IRF2BP1: variants seen among roughly 807,000 people sequenced by gnomAD.
The protein encoded by IRF2BP1 is interferon regulatory factor 2 binding protein 1.
A neutral mutation model predicts 38.6 loss-of-function variants in IRF2BP1; 9 were observed. The ratio of observed to expected loss-of-function variants is 0.23; its 90% CI spans 0.14 to 0.41. IRF2BP1 has a LOEUF of 0.41. Among genes scored for constraint, IRF2BP1 ranks in the 10% least tolerant of loss-of-function variants. The probability of loss-of-function intolerance (pLI) is 1.00; values close to 1 mark genes in which losing one functional copy is unlikely to be tolerated. For synonymous variants in IRF2BP1, 416 were observed against 383.4 expected (o/e 1.08, Z -0.99); for missense variants, 631 against 829.6 (o/e 0.76, Z 2.94).
rs1430733651 is a variant in IRF2BP1 at position 45,883,975 on chromosome 19, G to C, written c.*45C>G. 1 of 1,489,938 alleles carries C rather than the reference G, an allele frequency of 6.7e-7. No homozygotes were observed. The highest frequency in any genetic ancestry group is 9.0e-7 in the Non-Finnish European group (1 of 1,111,374). The allele number at this position is 1,489,938 out of a possible 1,614,324, so 92.3% of individuals were successfully genotyped here. A position where few individuals can be genotyped will look rare whatever the true frequency, so the allele number is the denominator to read the frequency against. On this transcript the variant is annotated 3_prime_UTR_variant, in exon 1 of 1. Coordinates refer to ENST00000302165, the MANE Select transcript of IRF2BP1 (RefSeq NM_015649.3). ...GGAATAATTTATCCGCGGCAGCGGT[G>C]GGTGGCAAAGGGGCAGAGGGCAGTA...
At position 45,886,054 on chromosome 19, in the gene IRF2BP1, TG is replaced by T; in HGVS notation, c.-281del. On this transcript the variant is annotated 5_prime_UTR_variant, in exon 1 of 1. Transcript: ENST00000302165. ...GAGGCGCACAGCTCGGGCCCCACGA[TG>T]GGCCGCGAGCGCCGCCGCCTCGGGC... 1.1e-5 allele frequency: 3 copies of T among 281,998 alleles called. No individual in the cohort carries two copies. Among genetic ancestry groups the T allele is most frequent in the Non-Finnish European group, 2.0e-5 (3 of 151,616 alleles). 17.5% of individuals were successfully genotyped at this position (281,998 alleles called of 1,614,324 possible).
Position 45,884,068 on chromosome 19 carries a change from G to A in IRF2BP1, c.1707C>T (p.Ala569=). ...CTTTGATGTCTCCAGCAAGGATGGT[G>A]GCGATCTCGCCCTGCATGAAGGCCC... The part of the protein sequence containing the change: ...VPWAFMQGEI[A]TILAGDIKVK... The change falls in exon 1 of 1, where the codon GCC becomes GCT. Residue 569 remains alanine (A), a synonymous_variant. Transcript: ENST00000302165. The A allele has an allele frequency of 6.2e-7, 1 of 1,604,814 alleles. No individual in the cohort carries two copies.
rs1309107653 is a variant in IRF2BP1 at position 45,884,573 on chromosome 19, T to G, written c.1202A>C (p.Gln401Pro). Reference sequence around the variant, plus strand: ...GCCGGGTGCCACCCAGTGCCGTTGCTGCTGCTCCTCGGTGGTCATCTTCCC... The same window carrying G: ...GCCGGGTGCCACCCAGTGCCGTTGCGGCTGCTCCTCGGTGGTCATCTTCCC... ...AAGKMTTEEQQQRHWVAPGGP... is the reference protein window; with the variant it reads ...AAGKMTTEEQPQRHWVAPGGP... The change falls in exon 1 of 1, where the codon CAG becomes CCG. Residue 401 changes from glutamine to proline, a missense_variant. Around this residue, in one of 5 missense-constraint regions of IRF2BP1, gnomAD observed 201 missense variants for 215.3 expected, o/e 0.93. Coordinates refer to ENST00000302165, the MANE Select transcript of IRF2BP1 (RefSeq NM_015649.3). 1 of 1,599,528 alleles carries G rather than the reference T, an allele frequency of 6.3e-7. No individual in the cohort carries two copies. Among genetic ancestry groups the G allele is most frequent in the Non-Finnish European group, 8.5e-7 (1 of 1,179,422 alleles).
chr19:45,884,814 G>A lies in IRF2BP1; in HGVS notation c.961C>T (p.Arg321Trp). The A allele has an allele frequency of 1.2e-6, 2 of 1,612,874 alleles. No homozygotes were observed. Among genetic ancestry groups the A allele is most frequent in the Non-Finnish European group, 8.5e-7 (1 of 1,180,020 alleles). Residue 321 changes from arginine to tryptophan, a missense_variant, in exon 1 of 1, where the codon CGG (arginine) becomes TGG (tryptophan). Physicochemically the swap from Arg to Trp is moderately radical, Grantham distance 101. Coordinates refer to ENST00000302165, the MANE Select transcript of IRF2BP1 (RefSeq NM_015649.3). Reference protein sequence around the residue: ...SGFKYLEYERRHGSGEWRQLG... With the variant: ...SGFKYLEYERWHGSGEWRQLG... The stretch of plus-strand genomic sequence containing the variant: ...TGCCGCCATTCTCCTGATCCATGCC[G>A]GCGTTCATATTCGAGGTACTTGAAG...
Position 45,885,853 on chromosome 19 carries a change from G to A in IRF2BP1, c.-79C>T. Reference sequence around the variant, plus strand: ...GATCCGCGCCGCCAACGTTCGATCCGCGTCCCGGGGACAGCGCGAGCCACG... The same window carrying A: ...GATCCGCGCCGCCAACGTTCGATCCACGTCCCGGGGACAGCGCGAGCCACG... On this transcript the variant is annotated 5_prime_UTR_variant, in exon 1 of 1. Coordinates refer to ENST00000302165, the MANE Select transcript of IRF2BP1 (RefSeq NM_015649.3). 7.1e-7 allele frequency: 1 copy of A among 1,400,140 alleles called. No homozygotes were observed. Among genetic ancestry groups the A allele is most frequent in the East Asian group, 3.0e-5 (1 of 33,086 alleles). 86.7% of individuals were successfully genotyped at this position (1,400,140 alleles called of 1,614,324 possible).
rs1646246483 is a variant in IRF2BP1 at position 45,885,906 on chromosome 19, C to T, written c.-132G>A. 1 of 1,075,474 alleles carries T rather than the reference C, an allele frequency of 9.3e-7. No individual in the cohort carries two copies. The allele number at this position is 1,075,474 out of a possible 1,614,324, so 66.6% of individuals were successfully genotyped here. A position where few individuals can be genotyped will look rare whatever the true frequency, so the allele number is the denominator to read the frequency against. On this transcript the variant is annotated 5_prime_UTR_variant, in exon 1 of 1. Coordinates refer to ENST00000302165, the MANE Select transcript of IRF2BP1 (RefSeq NM_015649.3). ...CCGGCCTCCGGCTCGGCCTCCCCGC[C>T]GGATCCAGGCCCGGCCCCCCTTCCC...
chr19:45,884,333 G>T lies in IRF2BP1; in HGVS notation c.1442C>A (p.Ala481Glu). ...RNGEAEVSPTAGAEAVSGGGS... is the reference protein window; with the variant it reads ...RNGEAEVSPTEGAEAVSGGGS... ...ACCCCCGCTGACAGCTTCGGCCCCC[G>T]CTGTGGGACTGACTTCTGCTTCGCC... Residue 481 changes from alanine to glutamate, a missense_variant, in exon 1 of 1, where the codon GCG (alanine) becomes GAG (glutamate). By Grantham distance (107) the Ala-to-Glu change is moderately radical. This residue lies in a region of IRF2BP1 where 201 missense variants were observed against 215.3 expected (regional missense o/e 0.93). Transcript: ENST00000302165. 6.2e-7 allele frequency: 1 copy of T among 1,609,650 alleles called. No individual in the cohort carries two copies. Among genetic ancestry groups the T allele is most frequent in the Non-Finnish European group, 8.5e-7 (1 of 1,179,190 alleles).
chr19:45,885,882 C>A lies in IRF2BP1; in HGVS notation c.-108G>T. 9 of 1,286,594 alleles carry A rather than the reference C, an allele frequency of 7.0e-6. No individual in the cohort carries two copies. The highest frequency in any genetic ancestry group is 9.0e-6 in the Non-Finnish European group (9 of 995,940). 79.7% of individuals were successfully genotyped at this position (1,286,594 alleles called of 1,614,324 possible). A position where few individuals can be genotyped will look rare whatever the true frequency, so the allele number is the denominator to read the frequency against. On this transcript the variant is annotated 5_prime_UTR_variant, in exon 1 of 1. Transcript: ENST00000302165. ...CCCGGGGACAGCGCGAGCCACGGTC[C>A]GGCCTCCGGCTCGGCCTCCCCGCCG...
Position 45,885,878 on chromosome 19 carries a change from GGTCCGGC to G in IRF2BP1, c.-111_-105del. Reference sequence around the variant, plus strand: ...GCGTCCCGGGGACAGCGCGAGCCACGGTCCGGCCTCCGGCTCGGCCTCCCCGCCGGAT... The same window carrying G: ...GCGTCCCGGGGACAGCGCGAGCCACGCTCCGGCTCGGCCTCCCCGCCGGAT... On this transcript the variant is annotated 5_prime_UTR_variant, in exon 1 of 1. Coordinates refer to ENST00000302165, the MANE Select transcript of IRF2BP1 (RefSeq NM_015649.3). 7.7e-7 allele frequency: 1 copy of G among 1,305,554 alleles called. No individual in the cohort carries two copies. The allele number at this position is 1,305,554 out of a possible 1,614,324, so 80.9% of individuals were successfully genotyped here.
Position 45,885,650 on chromosome 19 carries a change from G to T in IRF2BP1, c.125C>A (p.Ala42Glu). 6.3e-7 allele frequency: 1 copy of T among 1,576,554 alleles called. No homozygotes were observed. The change falls in exon 1 of 1, where the codon GCG becomes GAG. Residue 42 changes from alanine (A) to glutamate (E), a missense_variant. By Grantham distance (107) the Ala-to-Glu change is moderately radical (BLOSUM62 -1). Around this residue, in one of 5 missense-constraint regions of IRF2BP1, gnomAD observed 33 missense variants for 66.8 expected, o/e 0.49. Coordinates refer to ENST00000302165, the MANE Select transcript of IRF2BP1 (RefSeq NM_015649.3). The part of the protein sequence containing the change: ...VCRGCVNFEG[A>E]DRIELLIDAA... ...ATCGATGAGCAGTTCGATGCGGTCC[G>T]CGCCCTCGAAGTTCACGCAGCCGCG...
In IRF2BP1 at chr19:45,885,256, G is replaced by A; in HGVS notation, c.519C>T (p.Gly173=). 1 of 1,603,204 alleles carries A rather than the reference G, an allele frequency of 6.2e-7. No homozygotes were observed. The highest frequency in any genetic ancestry group is 8.5e-7 in the Non-Finnish European group (1 of 1,179,928). ...CCAGCGTCAGGCCTCGGCTTCCCAGGCCAGACACTGCAGCTGCCAGCAGCC... is the reference window on the plus strand; with the variant it reads ...CCAGCGTCAGGCCTCGGCTTCCCAGACCAGACACTGCAGCTGCCAGCAGCC... ...PPGLLAAAVS[G]LGSRGLTLAP... The change falls in exon 1 of 1, where the codon GGC becomes GGT. Residue 173 remains glycine (G), a synonymous_variant. Transcript: ENST00000302165.
At position 45,885,501 on chromosome 19, in the gene IRF2BP1, G is replaced by T; in HGVS notation, c.274C>A (p.Pro92Thr). 1.4e-6 allele frequency: 2 copies of T among 1,437,296 alleles called. No homozygotes were observed. The highest frequency in any genetic ancestry group is 1.8e-6 in the Non-Finnish European group (2 of 1,103,214). 89.0% of individuals were successfully genotyped at this position (1,437,296 alleles called of 1,614,324 possible). ...GACGGCTGGGGCTGGGCCTGCGGGG[G>T]CGGCAGCTGGGGCCCCTGTGCGGCT... ...AAAAQGPQLP[P>T]PQAQPQPSGT... is the part of the protein sequence containing the mutation. The change falls in exon 1 of 1, where the codon CCC (proline) becomes ACC (threonine). Residue 92 changes from proline (P) to threonine (T), a missense_variant. Physicochemically the swap from Pro to Thr is conservative, Grantham distance 38. Coordinates refer to ENST00000302165, the MANE Select transcript of IRF2BP1 (RefSeq NM_015649.3).
Position 45,884,712 on chromosome 19 carries a change from G to T in IRF2BP1, c.1063C>A (p.Pro355Thr). Residue 355 changes from proline (P) to threonine (T), a missense_variant, in exon 1 of 1, where the codon CCA (proline) becomes ACA (threonine). Pro to Thr is a conservative substitution (Grantham distance 38). Around this residue, in one of 5 missense-constraint regions of IRF2BP1, gnomAD observed 133 missense variants for 232.2 expected, o/e 0.57. Transcript: ENST00000302165. Reference protein sequence around the residue: ...APAEALPQQYPEPAPAALCGP... With the variant: ...APAEALPQQYTEPAPAALCGP... ...CAGAGAGCCGCAGGGGCCGGCTCTGGGTACTGCTGGGGCAGGGCCTCCGCG... is the reference window on the plus strand; with the variant it reads ...CAGAGAGCCGCAGGGGCCGGCTCTGTGTACTGCTGGGGCAGGGCCTCCGCG... The T allele has an allele frequency of 6.2e-7, 1 of 1,609,952 alleles. No homozygotes were observed. The highest frequency in any genetic ancestry group is 8.5e-7 in the Non-Finnish European group (1 of 1,179,012).
At position 45,885,430 on chromosome 19, in the gene IRF2BP1, G is replaced by T; in HGVS notation, c.345C>A (p.Ala115=). Residue 115 remains alanine (A), a synonymous_variant, in exon 1 of 1, where the codon GCC becomes GCA. Transcript: ENST00000302165. ...GCAGGGGGAGGCGGCCTGATGATGT[G>T]GCCCTGTCATAGCGGTCCTGGCCCG... ...GVSGQDRYDR[A]TSSGRLPLPS... is the part of the protein sequence containing the mutation. 1 of 1,567,822 alleles carries T rather than the reference G, an allele frequency of 6.4e-7. No individual in the cohort carries two copies. Among genetic ancestry groups the T allele is most frequent in the Non-Finnish European group, 8.6e-7 (1 of 1,158,294 alleles).
Position 45,885,967 on chromosome 19 carries a change from G to A in IRF2BP1, c.-193C>T. On this transcript the variant is annotated 5_prime_UTR_variant, in exon 1 of 1. Transcript: ENST00000302165. ...GCCCTAAGCCTTTCTGCTCACTCCCGCCTCCCTCGCGAAGGCAGGCTGAGG... is the reference window on the plus strand; with the variant it reads ...GCCCTAAGCCTTTCTGCTCACTCCCACCTCCCTCGCGAAGGCAGGCTGAGG... 2 of 598,518 alleles carry A rather than the reference G, an allele frequency of 3.3e-6. No individual in the cohort carries two copies. The highest frequency in any genetic ancestry group is 5.2e-6 in the Non-Finnish European group (2 of 387,348). 37.1% of individuals were successfully genotyped at this position (598,518 alleles called of 1,614,324 possible). A position where few individuals can be genotyped will look rare whatever the true frequency, so the allele number is the denominator to read the frequency against.
chr19:45,885,767 G>A lies in IRF2BP1; in HGVS notation c.8C>T (p.Ser3Phe). Residue 3 changes from serine (S) to phenylalanine (F), a missense_variant, in exon 1 of 1, where the codon TCT becomes TTT. This residue lies in a region of IRF2BP1 where 33 missense variants were observed against 66.8 expected (regional missense o/e 0.49). Transcript: ENST00000302165. ...CCACTGGCGGCGGGACGCCTGCACA[G>A]ACGCCATGGCCCCAGTCCGCGCGCC... MASVQASRRQWCY... is the reference protein window; with the variant it reads MAFVQASRRQWCY... 1 of 1,566,954 alleles carries A rather than the reference G, an allele frequency of 6.4e-7. No individual in the cohort carries two copies. The highest frequency in any genetic ancestry group is 8.6e-7 in the Non-Finnish European group (1 of 1,166,502).
At position 45,883,838 on chromosome 19, in the gene IRF2BP1, G is replaced by A; in HGVS notation, c.*182C>T. 1.8e-6 allele frequency: 1 copy of A among 543,586 alleles called. No individual in the cohort carries two copies. The allele number at this position is 543,586 out of a possible 1,614,324, so 33.7% of individuals were successfully genotyped here. On this transcript the variant is annotated 3_prime_UTR_variant, in exon 1 of 1. Transcript: ENST00000302165. ...GGACCCCAAACACCCCCTCGGACAG[G>A]AGCCACAAGCTTTCTCCCCCCACCC...
Position 45,884,497 on chromosome 19 carries a change from C to T in IRF2BP1, c.1278G>A (p.Leu426=). ...GGCCCAGGGCTTCGGCCACATTCTT[C>T]AGGGCGGCAATGGGCGAGGGCACAC... ...TPGVPSPIAA[L]KNVAEALGHS... is the part of the protein sequence containing the mutation. The change falls in exon 1 of 1, where the codon CTG becomes CTA. Residue 426 remains leucine, a synonymous_variant. Transcript: ENST00000302165. 1 of 1,600,444 alleles carries T rather than the reference C, an allele frequency of 6.2e-7. No individual in the cohort carries two copies. Among genetic ancestry groups the T allele is most frequent in the Non-Finnish European group, 8.5e-7 (1 of 1,179,434 alleles).
chr19:45,884,663 G>C lies in IRF2BP1; in HGVS notation c.1112C>G (p.Ser371Cys), dbSNP rs1450255536. 1 of 1,602,602 alleles carries C rather than the reference G, an allele frequency of 6.2e-7. No individual in the cohort carries two copies. Among genetic ancestry groups the C allele is most frequent in the African/African-American group, 1.3e-5 (1 of 74,772 alleles). ...ALCGPPPRAPSRNLAPTPRRR... is the reference protein window; with the variant it reads ...ALCGPPPRAPCRNLAPTPRRR... ...GCGCGGCGTGGGCGCCAGGTTCCGG[G>C]ATGGGGCTCGCGGGGGTGGGCCACA... The change falls in exon 1 of 1, where the codon TCC (serine) becomes TGC (cysteine). Residue 371 changes from serine (S) to cysteine (C), a missense_variant. Coordinates refer to ENST00000302165, the MANE Select transcript of IRF2BP1 (RefSeq NM_015649.3).
Sources: allele counts gnomAD v4.1 joint callset, GRCh38; gene constraint gnomAD v4.1.1; regional missense constraint gnomAD v4.1.1; transcripts MANE v1.5; gene names NCBI Gene and HGNC (gene_info 2026-07-23, HGNC 2026-07-21).